RAP1GDS1: variants seen among roughly 807,000 people sequenced by gnomAD.
RAP1GDS1 encodes the protein RAP1, GTP-GDP dissociation stimulator 1.
Under a neutral mutation model 71.1 loss-of-function variants are expected in RAP1GDS1, and 35 were observed. The observed-to-expected ratio is 0.49, with a 90% CI of 0.38 to 0.65. RAP1GDS1 has a LOEUF of 0.65. RAP1GDS1 is among the 30% of genes least tolerant of loss of function. The pLI is 0.00. For missense variants in RAP1GDS1, 663 were observed against 706.1 expected (o/e 0.94, Z 0.69); for synonymous variants, 229 against 243.1 (o/e 0.94, Z 0.54).
intron 11 of RAP1GDS1, 105 bp from the exon 12 acceptor site, chr4:98,421,150 G>A (rs1358909749): frequency 9.7e-6 from 12 of 1,231,376 alleles, no homozygotes; most frequent in East Asian, 2.5e-5. Flanking sequence ...TGAAATTGTC[G>A]TGCTGTGTTT....
chr4:98,433,997 G>C lies in RAP1GDS1; in HGVS notation c.1502G>C (p.Ser501Thr). The C allele has an allele frequency of 6.2e-7, 1 of 1,613,594 alleles. No homozygotes were observed. Among genetic ancestry groups the C allele is most frequent in the Non-Finnish European group, 8.5e-7 (1 of 1,179,534 alleles). ...GIKHLVTMAT[S>T]EHVIMQNEAL... ...AAGCATCTAGTTACCATGGCAACTA[G>C]TGAACATGTAATAATGCAGAATGAA... Residue 501 changes from serine (S) to threonine (T), a missense_variant, in exon 13 of 15, where the codon AGT (serine) becomes ACT (threonine). By Grantham distance (58) the Ser-to-Thr change is moderately conservative. Coordinates refer to ENST00000408927, the MANE Select transcript of RAP1GDS1 (RefSeq NM_001100427.2).
intron 6 of RAP1GDS1, 130 bp downstream of exon 6, chr4:98,392,210 AT>A (rs756526170): frequency 2.6e-4 from 224 of 865,986 alleles, no homozygotes; most frequent in Non-Finnish European, 3.4e-4. Flanking sequence ...CATTTGAGAT[AT>A]TTCCATCAAT....
At chr4:98,406,469 G>A (rs917103635) in intron 7 of RAP1GDS1, among the ~76,000 whole-genome samples, 2 of 151,724 alleles carry the variant, frequency 1.3e-5, no homozygotes, top group African/African-American at 4.8e-5. Context: ...GTAATAAAAG[G>A]TCCAATTTAC....
chr4:98,397,430 CA>C (rs1744701283), intron 6 of RAP1GDS1, among the ~76,000 whole-genome samples: 1 of 152,060 alleles, frequency 6.6e-6, no homozygotes, highest in Non-Finnish European at 1.5e-5. Context: ...GCAGGAATTT[CA>C]AGACCAGCCT....
chr4:98,287,304 C>T (rs1726187091), intron 1 of RAP1GDS1, among the ~76,000 whole-genome samples: 1 of 152,156 alleles, frequency 6.6e-6, no homozygotes, highest in African/African-American at 2.4e-5. Flanking sequence ...AAATAGATTA[C>T]AAACTTATTG....
intron 6 of RAP1GDS1, among the ~76,000 whole-genome samples, chr4:98,395,690 T>G (rs1048662377): frequency 1.3e-5 from 2 of 152,170 alleles, no homozygotes; most frequent in Admixed American, 1.3e-4. Flanking sequence ...TAGATACTCT[T>G]TAGGATAGCC....
At chr4:98,271,292 C>G (rs1723421564) in intron 1 of RAP1GDS1, among the ~76,000 whole-genome samples, 1 of 152,104 alleles carries the variant, frequency 6.6e-6, no homozygotes, top group Non-Finnish European at 1.5e-5. Flanking sequence ...TAATTAAACT[C>G]ATTGAGTTCA....
intron 7 of RAP1GDS1, among the ~76,000 whole-genome samples, chr4:98,412,615 TTTAGG>T (rs1193344345): frequency 3.3e-5 from 5 of 152,166 alleles, no homozygotes; most frequent in African/African-American, 1.2e-4. Flanking sequence ...GATAGGCCAG[TTTAGG>T]TTAAGATACA....
At chr4:98,334,232 C>T (rs895961656) in intron 2 of RAP1GDS1, among the ~76,000 whole-genome samples, 2 of 151,978 alleles carry the variant, frequency 1.3e-5, no homozygotes, top group South Asian at 4.1e-4. Flanking sequence ...TGTGCATGTG[C>T]ATAAACACAC....
intron 5 of RAP1GDS1, among the ~76,000 whole-genome samples, chr4:98,385,721 CAG>C (rs1176807134): frequency 6.6e-6 from 1 of 151,850 alleles, no homozygotes; most frequent in Admixed American, 6.6e-5. Flanking sequence ...ATCTTGTTAA[CAG>C]AATTTTTGCC....
intron 7 of RAP1GDS1, among the ~76,000 whole-genome samples, chr4:98,410,802 CTG>C (rs1383857327): frequency 1.3e-5 from 2 of 151,982 alleles, no homozygotes; most frequent in East Asian, 1.9e-4. Flanking sequence ...TAAAACTAAA[CTG>C]TAGTTTTTAG....
chr4:98,435,745 T>C (rs1388989000), intron 13 of RAP1GDS1, among the ~76,000 whole-genome samples: 1 of 152,114 alleles, frequency 6.6e-6, no homozygotes, highest in Non-Finnish European at 1.5e-5. Context: ...TTCTAAAAAT[T>C]TTGTAGTTCT....
At chr4:98,384,368 G>A (rs1316441568) in intron 5 of RAP1GDS1, among the ~76,000 whole-genome samples, 1 of 151,486 alleles carries the variant, frequency 6.6e-6, no homozygotes, top group Non-Finnish European at 1.5e-5. Context: ...TTTATTTACT[G>A]TTGTTCTCTT....
chr4:98,281,278 T>G (rs1255628720), intron 1 of RAP1GDS1, among the ~76,000 whole-genome samples: 1 of 152,186 alleles, frequency 6.6e-6, no homozygotes, highest in Non-Finnish European at 1.5e-5. Flanking sequence ...TGTGTCCTCT[T>G]TTATTTTGTT....
At chr4:98,432,110 G>T (rs1217579002) in intron 12 of RAP1GDS1, among the ~76,000 whole-genome samples, 1 of 152,102 alleles carries the variant, frequency 6.6e-6, no homozygotes, top group Non-Finnish European at 1.5e-5. Flanking sequence ...AGGCCCCAGT[G>T]TGTGATGTTC....
intron 1 of RAP1GDS1, among the ~76,000 whole-genome samples, chr4:98,285,321 A>G (rs1191888362): frequency 1.3e-5 from 2 of 152,178 alleles, no homozygotes; most frequent in Admixed American, 1.3e-4. Flanking sequence ...AATTGTCTTG[A>G]AGAGATATTA....
chr4:98,281,079 T>A (rs1368571215), intron 1 of RAP1GDS1, among the ~76,000 whole-genome samples: 2 of 152,222 alleles, frequency 1.3e-5, no homozygotes, highest in African/African-American at 4.8e-5. Flanking sequence ...CATAGGATTG[T>A]CTTGGCAATG....
At chr4:98,435,153 C>A (rs1750967106) in intron 13 of RAP1GDS1, among the ~76,000 whole-genome samples, 2 of 152,166 alleles carry the variant, frequency 1.3e-5, no homozygotes, top group East Asian at 3.9e-4. Flanking sequence ...TGGGTAAATA[C>A]TGTTAACTGA....
At chr4:98,264,704 A>G (rs1276124744) in intron 1 of RAP1GDS1, among the ~76,000 whole-genome samples, 1 of 152,254 alleles carries the variant, frequency 6.6e-6, no homozygotes, top group Non-Finnish European at 1.5e-5. Flanking sequence ...CATATATTAT[A>G]GATTCAGAGA....
Sources: allele counts gnomAD v4.1 joint callset (sites outside exome capture counted in the v4.1 genomes callset), GRCh38; gene constraint gnomAD v4.1.1; transcripts MANE v1.5; gene names NCBI Gene and HGNC (gene_info 2026-07-23, HGNC 2026-07-21).